The following MS4A2 variants were observed in gnomAD, a reference collection of about 807,000 sequenced individuals.
The protein encoded by MS4A2 is high affinity immunoglobulin epsilon receptor subunit beta.
In MS4A2, 26 loss-of-function variants were observed where a neutral mutation model predicts 27.9. That is an observed-to-expected ratio of 0.93 (90% CI 0.68 to 1.29). MS4A2 has a LOEUF of 1.29. Ranked by LOEUF, MS4A2 falls within the 50% of genes most tolerant of loss-of-function variation. The probability of loss-of-function intolerance (pLI) is 0.00; values close to 1 mark genes in which losing one functional copy is unlikely to be tolerated. For synonymous variants in MS4A2, 110 were observed against 98.8 expected, an observed-to-expected ratio of 1.11 and a Z score of -0.67; for missense variants, 284 against 284.6, an observed-to-expected ratio of 1.00 and a Z score of 0.01.
rs1855855837 is a variant in MS4A2, at chr11:60,095,623, C to T, written c.702C>T (p.Asp234=). ...IYSATYSELE[D]PGEMSPPIDL is the part of the protein sequence containing the mutation. Reference sequence around the variant, plus strand: ...CAGCTACTTACAGTGAGTTGGAAGACCCAGGGGAAATGTCTCCTCCCATTG... The same window carrying T: ...CAGCTACTTACAGTGAGTTGGAAGATCCAGGGGAAATGTCTCCTCCCATTG... Residue 234 remains aspartate, a synonymous_variant, in exon 7 of 7, where the codon GAC becomes GAT. Transcript: ENST00000278888. The T allele has an allele frequency of 6.2e-7, 1 of 1,611,332 alleles. No individual in the cohort carries two copies. Among genetic ancestry groups the T allele is most frequent in the Non-Finnish European group, 8.5e-7 (1 of 1,177,654 alleles).
intron 3 of MS4A2, among the ~76,000 whole-genome samples, chr11:60,090,842 TTATC>T (rs1476038170): frequency 6.6e-6 from 1 of 152,154 alleles, no homozygotes; most frequent in Non-Finnish European, 1.5e-5. Context: ...ACATACAACT[TTATC>T]TGTCAACTAA....
intron 3 of MS4A2, among the ~76,000 whole-genome samples, chr11:60,091,115 C>T (rs889375014): frequency 3.3e-5 from 5 of 152,128 alleles, no homozygotes. Flanking sequence ...TGTGCCATTG[C>T]ACTCCAGCCT....
At chr11:60,094,573 T>G (rs1380461263) in intron 6 of MS4A2, among the ~76,000 whole-genome samples, 1 of 152,214 alleles carries the variant, frequency 6.6e-6, no homozygotes, top group Non-Finnish European at 1.5e-5. Context: ...GCTCATGTAC[T>G]TGCCCATGTC....
intron 1 of MS4A2, 74 bp downstream of exon 1, chr11:60,088,895 G>A: frequency 7.1e-7 from 1 of 1,418,186 alleles, no homozygotes; most frequent in Non-Finnish European, 9.8e-7. Context: ...CGGTGCTTAG[G>A]AGATGAAACT....
In MS4A2 at chr11:60,092,818, TA is replaced by T. The variant is rs779474440; in HGVS notation, c.349del (p.Ile117TyrfsTer11). On this transcript the variant is annotated frameshift_variant, in exon 4 of 7. Coordinates refer to ENST00000278888, the MANE Select transcript of MS4A2 (RefSeq NM_000139.5). LOFTEE classifies it high-confidence loss of function. ...TTTCTATTTCTGGAATGTTGTCAAT[TA>T]TATCTGAAAGGAGAAATGCAACATA... ...FFSISGMLSI[I>X]SERRNATYLV... 1.1e-5 allele frequency: 18 copies of T among 1,613,934 alleles called. No individual in the cohort carries two copies. Among genetic ancestry groups the T allele is most frequent in the Non-Finnish European group, 1.5e-5 (18 of 1,179,974 alleles).
chr11:60,089,964 A>G lies in MS4A2; in HGVS notation c.186+143A>G, dbSNP rs1337567462. ...CATGGTAGATAAAGAGTTGACACTA[A>G]CTGGGTCCTTTTGGGAAGAGAGAAG... On this transcript the variant is annotated intron_variant, in intron 2 of 6. Coordinates refer to ENST00000278888, the MANE Select transcript of MS4A2 (RefSeq NM_000139.5). 11 of 1,090,370 alleles carry G rather than the reference A, an allele frequency of 1.0e-5. No individual in the cohort carries two copies. The Admixed American group carries it at 2.9e-4, about 29-fold the overall frequency. The allele number at this position is 1,090,370 out of a possible 1,614,324, so 67.5% of individuals were successfully genotyped here.
Position 60,093,836 on chromosome 11 carries a change from G to GTGTA in MS4A2, c.538-127_538-126insGTAT, listed in dbSNP as rs1281851634. On this transcript the variant is annotated intron_variant, in intron 5 of 6. Coordinates refer to ENST00000278888, the MANE Select transcript of MS4A2 (RefSeq NM_000139.5). ...TGTGTGTGTGTGTGTGTGTGTGTGT[G>GTGTA]TATGTGTCACTTTAAAAGGACTGGT... 23 of 728,688 alleles carry GTGTA rather than the reference G, an allele frequency of 3.2e-5. No individual in the cohort carries two copies. In the African/African-American group the frequency reaches 4.0e-4, roughly 13 times the overall value. The allele number at this position is 728,688 out of a possible 1,614,324, so 45.1% of individuals were successfully genotyped here. A position where few individuals can be genotyped will look rare whatever the true frequency, so the allele number is the denominator to read the frequency against.
rs11230138 is a variant in MS4A2 at position 60,093,189 on chromosome 11, G to A, written c.379-211G>A. Among the ~76,000 whole-genome samples the A allele has an allele frequency of 7.1e-3, 1,084 of 152,294 alleles. 71 individuals are homozygous for A. In the East Asian group the frequency reaches 0.15, roughly 21 times the overall value. ...TAAGGAGAATATTTGAGGAAAGACCGTACGTGTTCATGTGGTTCCTGAAGG... is the reference window on the plus strand; with the variant it reads ...TAAGGAGAATATTTGAGGAAAGACCATACGTGTTCATGTGGTTCCTGAAGG... On this transcript the variant is annotated intron_variant, in intron 4 of 6. Coordinates refer to ENST00000278888, the MANE Select transcript of MS4A2 (RefSeq NM_000139.5).
rs377643151 is a variant in MS4A2, at chr11:60,092,806, A to G, written c.336A>G (p.Gly112=). 6 of 1,613,778 alleles carry G rather than the reference A, an allele frequency of 3.7e-6. No individual in the cohort carries two copies. In the African/African-American group the frequency reaches 5.3e-5, roughly 14 times the overall value. Residue 112 remains glycine, a synonymous_variant, in exon 4 of 7, where the codon GGA becomes GGG. Coordinates refer to ENST00000278888, the MANE Select transcript of MS4A2 (RefSeq NM_000139.5). ...TTTTTGAACAGTTTTCTATTTCTGG[A>G]ATGTTGTCAATTATATCTGAAAGGA... ...FWGAIFFSIS[G]MLSIISERRN...
rs558200020 is a variant in MS4A2 at position 60,097,915 on chromosome 11, C to G, written c.*2259C>G. 8 of 152,272 alleles carry G rather than the reference C, an allele frequency of 5.3e-5. No homozygotes were observed. Among genetic ancestry groups the G allele is most frequent in the African/African-American group, 1.9e-4 (8 of 41,550 alleles). 9.4% of individuals were successfully genotyped at this position (152,272 alleles called of 1,614,324 possible). A position where few individuals can be genotyped will look rare whatever the true frequency, so the allele number is the denominator to read the frequency against. On this transcript the variant is annotated 3_prime_UTR_variant, in exon 7 of 7. Coordinates refer to ENST00000278888, the MANE Select transcript of MS4A2 (RefSeq NM_000139.5). ...AAAACCCTACCCTTTCACTGTGTATCATGCTAAGCTGCATCTCTACTCTTG... is the reference window on the plus strand; with the variant it reads ...AAAACCCTACCCTTTCACTGTGTATGATGCTAAGCTGCATCTCTACTCTTG...
chr11:60,095,996 G>T lies in MS4A2; in HGVS notation c.*340G>T. 3.7e-6 allele frequency: 1 copy of T among 268,442 alleles called. No homozygotes were observed. Among genetic ancestry groups the T allele is most frequent in the East Asian group, 9.7e-5 (1 of 10,324 alleles). 16.6% of individuals were successfully genotyped at this position (268,442 alleles called of 1,614,324 possible). A position where few individuals can be genotyped will look rare whatever the true frequency, so the allele number is the denominator to read the frequency against. ...CTGGCTGAAAGTTGAGTTAAACTTT[G>T]ACAGTTTGATAATATTTGGTTCTTA... On this transcript the variant is annotated 3_prime_UTR_variant, in exon 7 of 7. Transcript: ENST00000278888.
chr11:60,093,802 TTGTGTGTG>T lies in MS4A2; in HGVS notation c.538-134_538-127del, dbSNP rs60162275. ...TCTCTGGGTTTTTCTGTGCCTGTGT[TTGTGTGTG>T]TGTGTGTGTGTGTGTGTGTGTGTGT... On this transcript the variant is annotated intron_variant, in intron 5 of 6. Coordinates refer to ENST00000278888, the MANE Select transcript of MS4A2 (RefSeq NM_000139.5). The T allele has an allele frequency of 4.6e-3, 2,936 of 638,968 alleles. 4 individuals are homozygous for T. Among genetic ancestry groups the T allele is most frequent in the Admixed American group, 7.2e-3 (299 of 41,768 alleles). 39.6% of individuals were successfully genotyped at this position (638,968 alleles called of 1,614,324 possible). A position where few individuals can be genotyped will look rare whatever the true frequency, so the allele number is the denominator to read the frequency against.
In MS4A2 at chr11:60,092,853, G is replaced by A; in HGVS notation, c.378+5G>A. The stretch of plus-strand genomic sequence containing the variant: ...AGGAGAAATGCAACATATCTGGTGA[G>A]TTGCCCGTTTCTGTCTTTGTCCATC... On this transcript the variant is annotated splice_donor_5th_base_variant and intron_variant, in intron 4 of 6. Transcript: ENST00000278888. The A allele has an allele frequency of 4.3e-6, 7 of 1,613,378 alleles. No homozygotes were observed. The highest frequency in any genetic ancestry group is 5.9e-6 in the Non-Finnish European group (7 of 1,179,440).
rs1248025493 is a variant in MS4A2 at position 60,097,898 on chromosome 11, A to C, written c.*2242A>C. On this transcript the variant is annotated 3_prime_UTR_variant, in exon 7 of 7. Transcript: ENST00000278888. The stretch of plus-strand genomic sequence containing the variant: ...AATTTGACAGCAGAATAAAAACCCT[A>C]CCCTTTCACTGTGTATCATGCTAAG... 6.6e-6 allele frequency: 1 copy of C among 152,172 alleles called. No individual in the cohort carries two copies. Among genetic ancestry groups the C allele is most frequent in the East Asian group, 1.9e-4 (1 of 5,204 alleles). The allele number at this position is 152,172 out of a possible 1,614,324, so 9.4% of individuals were successfully genotyped here.
chr11:60,092,530 C>A (rs560589855), intron 3 of MS4A2, among the ~76,000 whole-genome samples: 1 of 151,946 alleles, frequency 6.6e-6, no homozygotes, highest in South Asian at 2.1e-4. Flanking sequence ...TCATGACCTC[C>A]GGTGATTCCC....
chr11:60,088,891 T>G, intron 1 of MS4A2, 70 bp downstream of exon 1: 26 of 1,446,396 alleles, frequency 1.8e-5, no homozygotes, highest in Non-Finnish European at 2.4e-5. Context: ...GTCACGGTGC[T>G]TAGGAGATGA....
Position 60,095,698 on chromosome 11 carries a change from C to G in MS4A2, c.*42C>G. 1 of 1,389,558 alleles carries G rather than the reference C, an allele frequency of 7.2e-7. No individual in the cohort carries two copies. The allele number at this position is 1,389,558 out of a possible 1,614,324, so 86.1% of individuals were successfully genotyped here. ...ACACTCTGATTCACAGCCAAGGATC[C>G]AGAAGGCCAAGGTCTTGTTAAGGGG... On this transcript the variant is annotated 3_prime_UTR_variant, in exon 7 of 7. Transcript: ENST00000278888.
upstream of MS4A2, chr11:60,088,578 A>C: frequency 2.8e-6 from 4 of 1,422,162 alleles, no homozygotes; most frequent in Non-Finnish European, 3.7e-6. Flanking sequence ...CATCACAAGT[A>C]AAAGCCTGTT....
intron 3 of MS4A2, among the ~76,000 whole-genome samples, chr11:60,091,139 G>A (rs1040573794): frequency 5.3e-5 from 8 of 152,064 alleles, no homozygotes; most frequent in Non-Finnish European, 1.0e-4. Flanking sequence ...CAATAAGAGC[G>A]AAACTCTGTC....
Sources: gnomAD v4.1 joint callset for allele counts (sites outside exome capture counted in the v4.1 genomes callset) on GRCh38, gnomAD v4.1.1 for gene constraint, MANE v1.5 for transcripts, NCBI Gene and HGNC (gene_info 2026-07-23, HGNC 2026-07-21) for gene names.